Variants in PACSIN2 observed in about 807,000 individuals in gnomAD.
PACSIN2 encodes the protein protein kinase C and casein kinase substrate in neurons protein 2.
PACSIN2 carries 25 observed loss-of-function variants against 63.8 expected under a neutral mutation model. The observed-to-expected ratio is 0.39, with a 90% CI of 0.29 to 0.55. The LOEUF is 0.55. PACSIN2 is among the 20% of genes least tolerant of loss of function. PACSIN2 has a pLI of 0.62. For missense variants in PACSIN2, 518 were observed against 646.9 expected, an observed-to-expected ratio of 0.80 and a Z score of 2.16; for synonymous variants, 255 against 256.2, an observed-to-expected ratio of 1.00 and a Z score of 0.05.
intron 1 of PACSIN2, among the ~76,000 whole-genome samples, chr22:42,916,551 G>A (rs968563496): frequency 6.6e-6 from 1 of 151,970 alleles, no homozygotes; most frequent in African/African-American, 2.4e-5. Flanking sequence ...CCCCTCCCAC[G>A]GCACGCCGCA....
intron 2 of PACSIN2, 25 bp from the exon 3 acceptor site, chr22:42,893,638 G>A (rs759569346): frequency 1.2e-6 from 2 of 1,606,140 alleles, no homozygotes; most frequent in East Asian, 4.5e-5. Flanking sequence ...CAGCTGGGAG[G>A]CAGGGGGCTT....
intron 4 of PACSIN2, among the ~76,000 whole-genome samples, chr22:42,890,150 C>T (rs1030041736): frequency 5.3e-5 from 8 of 151,844 alleles, no homozygotes; most frequent in African/African-American, 9.7e-5. Flanking sequence ...TACAGGTGCC[C>T]GCCACCACGC....
intron 1 of PACSIN2, among the ~76,000 whole-genome samples, chr22:42,976,916 C>G (rs1921744180): frequency 6.6e-6 from 1 of 152,184 alleles, no homozygotes; most frequent in African/African-American, 2.4e-5. Context: ...AATCCCTGAG[C>G]TAGAAGTTTC....
intron 3 of PACSIN2, among the ~76,000 whole-genome samples, 161 bp downstream of exon 3, chr22:42,893,296 C>T (rs964152759): frequency 4.6e-5 from 7 of 152,228 alleles, no homozygotes; most frequent in African/African-American, 1.7e-4. Flanking sequence ...GGCGCTAATG[C>T]TCCCCATAAA....
chr22:42,871,549 A>G lies in PACSIN2; in HGVS notation c.1349-80T>C. 8.9e-7 allele frequency: 1 copy of G among 1,121,952 alleles called. No homozygotes were observed. The highest frequency in any genetic ancestry group is 2.0e-4 in the Middle Eastern group (1 of 5,110). 69.5% of individuals were successfully genotyped at this position (1,121,952 alleles called of 1,614,324 possible). ...TACAGAGCCGCATTCACGAGCTTTG[A>G]GCCCACAGAGGGTGGAGGGCCAGGC... On this transcript the variant is annotated intron_variant, in intron 10 of 10. Coordinates refer to ENST00000263246, the MANE Select transcript of PACSIN2 (RefSeq NM_001184970.3). The surrounding 1 kb of genome is among the most constrained non-coding windows in gnomAD (Gnocchi z 5.4).
At chr22:42,898,635 G>T (rs542330070) in intron 2 of PACSIN2, among the ~76,000 whole-genome samples, 1 of 152,088 alleles carries the variant, frequency 6.6e-6, no homozygotes, top group South Asian at 2.1e-4. Flanking sequence ...GACCTTGGGG[G>T]CCACATCCCT....
chr22:42,927,479 C>T (rs1372281760), intron 1 of PACSIN2, among the ~76,000 whole-genome samples: 1 of 152,140 alleles, frequency 6.6e-6, no homozygotes, highest in East Asian at 1.9e-4. Flanking sequence ...AAACTTCTGG[C>T]CTCAAGTGAT....
At chr22:42,981,589 C>T (rs1388631265) in intron 1 of PACSIN2, among the ~76,000 whole-genome samples, 1 of 128,272 alleles carries the variant, frequency 7.8e-6, no homozygotes, top group Admixed American at 7.4e-5. Flanking sequence ...TGCCCGGCTG[C>T]CCCTACTGGG....
At chr22:43,008,033 T>A (rs1924208573) in intron 1 of PACSIN2, among the ~76,000 whole-genome samples, 1 of 152,180 alleles carries the variant, frequency 6.6e-6, no homozygotes, top group African/African-American at 2.4e-5. Context: ...ACATCACACA[T>A]GACATAACAG....
intron 1 of PACSIN2, among the ~76,000 whole-genome samples, chr22:42,920,911 TC>T (rs924014937): frequency 2.1e-4 from 31 of 144,586 alleles, no homozygotes; most frequent in African/African-American, 7.9e-4. Context: ...CAAGTGATCC[TC>T]CCACCTCGGC....
At chr22:42,910,505 G>A (rs1931379503) in intron 2 of PACSIN2, among the ~76,000 whole-genome samples, 2 of 152,192 alleles carry the variant, frequency 1.3e-5, no homozygotes, top group African/African-American at 4.8e-5. Flanking sequence ...CCTGCAAGCG[G>A]GGGCAAAGGC....
intron 2 of PACSIN2, among the ~76,000 whole-genome samples, chr22:42,897,063 A>G (rs550762752): frequency 1.8e-4 from 27 of 152,104 alleles, no homozygotes; most frequent in Admixed American, 3.3e-4. Flanking sequence ...CAGCCTCCAG[A>G]GTAGCTGGAA....
intron 10 of PACSIN2, among the ~76,000 whole-genome samples, chr22:42,874,547 C>A (rs1302698662): frequency 6.6e-6 from 1 of 152,174 alleles, no homozygotes; most frequent in Non-Finnish European, 1.5e-5. Context: ...TGAGACAAGG[C>A]CCCACCTGGC....
rs190073118 is a variant in PACSIN2 at position 42,888,637 on chromosome 22, G to A, written c.609+6C>T. The A allele has an allele frequency of 6.9e-5, 112 of 1,614,118 alleles. No individual in the cohort carries two copies. The highest frequency in any genetic ancestry group is 1.7e-4 in the Admixed American group (10 of 60,032). The stretch of plus-strand genomic sequence containing the variant: ...CTCGACGTGTAAAAACAAGTGTACA[G>A]TTTACCTTAAGAACATCTTGCTTGC... On this transcript the variant is annotated splice_donor_region_variant and intron_variant, in intron 5 of 10. Coordinates refer to ENST00000263246, the MANE Select transcript of PACSIN2 (RefSeq NM_001184970.3).
In PACSIN2 at chr22:42,888,644, T is replaced by G. The variant is rs1929665078; in HGVS notation, c.608A>C (p.Lys203Thr). The change falls in exon 5 of 11, where the codon AAG becomes ACG. Residue 203 changes from lysine to threonine, a missense_variant and splice_region_variant. Physicochemically the swap from Lys to Thr is moderately conservative, Grantham distance 78. Around this residue, in one of 2 missense-constraint regions of PACSIN2, gnomAD observed 507 missense variants for 612.3 expected, o/e 0.83. Coordinates refer to ENST00000263246, the MANE Select transcript of PACSIN2 (RefSeq NM_001184970.3). ...TGTAAAAACAAGTGTACAGTTTACC[T>G]TAAGAACATCTTGCTTGCACTTTTC... ...KIEKCKQDVL[K>T]TKEKYEKSLK... 1 of 1,614,084 alleles carries G rather than the reference T, an allele frequency of 6.2e-7. No homozygotes were observed. The highest frequency in any genetic ancestry group is 1.1e-5 in the South Asian group (1 of 91,092).
chr22:42,923,056 G>T (rs1407750195), intron 1 of PACSIN2, among the ~76,000 whole-genome samples: 1 of 152,124 alleles, frequency 6.6e-6, no homozygotes, highest in African/African-American at 2.4e-5. Context: ...CCAACAAAGC[G>T]GAAGCTCACA....
intron 1 of PACSIN2, among the ~76,000 whole-genome samples, chr22:42,979,523 C>CAAAAA (rs768725896): frequency 3.2e-4 from 20 of 61,610 alleles, no homozygotes; most frequent in African/African-American, 1.1e-3. Flanking sequence ...GACTCCCTCT[C>CAAAAA]AAAAAAAAAA....
intron 10 of PACSIN2, among the ~76,000 whole-genome samples, chr22:42,872,172 C>A (rs932857075): frequency 6.6e-6 from 1 of 152,216 alleles, no homozygotes; most frequent in Non-Finnish European, 1.5e-5. Context: ...AGAGGAGATA[C>A]AGAGATGAGA....
At chr22:42,901,432 G>A (rs992032369) in intron 2 of PACSIN2, among the ~76,000 whole-genome samples, 5 of 152,196 alleles carry the variant, frequency 3.3e-5, no homozygotes, top group South Asian at 2.1e-4. Flanking sequence ...CAAATCCATC[G>A]GATTTCCCAG....
Sources: gnomAD v4.1 joint callset for allele counts (sites outside exome capture counted in the v4.1 genomes callset) on GRCh38, gnomAD v4.1.1 for gene constraint, gnomAD v4.1.1 regional missense constraint, Gnocchi (gnomAD v3.1) non-coding constraint, MANE v1.5 for transcripts, NCBI Gene and HGNC (gene_info 2026-07-23, HGNC 2026-07-21) for gene names.